The following DNAJC1 variants were observed in gnomAD, a reference collection of about 807,000 sequenced individuals.
The protein encoded by DNAJC1 is DnaJ heat shock protein family (Hsp40) member C1.
Under a neutral mutation model 76.6 loss-of-function variants are expected in DNAJC1, and 58 were observed. The ratio of observed to expected loss-of-function variants is 0.76; its 90% CI spans 0.61 to 0.94. DNAJC1 has a LOEUF of 0.94. Ranked by LOEUF, DNAJC1 falls within the 40% of genes least tolerant of loss-of-function variation. The pLI is 0.00. For synonymous variants in DNAJC1, 258 were observed against 267.9 expected (o/e 0.96, Z 0.36); for missense variants, 689 against 677.3 (o/e 1.02, Z -0.19).
chr10:21,784,082 C>A (rs973976691), intron 9 of DNAJC1, among the ~76,000 whole-genome samples: 1 of 152,152 alleles, frequency 6.6e-6, no homozygotes, highest in Non-Finnish European at 1.5e-5. Flanking sequence ...AGCTTCTGCA[C>A]AGCAAAAGAA....
chr10:21,879,603 G>C (rs1445051798), intron 8 of DNAJC1, among the ~76,000 whole-genome samples: 1 of 152,084 alleles, frequency 6.6e-6, no homozygotes, highest in Non-Finnish European at 1.5e-5. Flanking sequence ...CAGCCTGGGC[G>C]ACAGAGAGAG....
chr10:21,968,704 G>T (rs1235156706), intron 1 of DNAJC1, among the ~76,000 whole-genome samples: 1 of 151,804 alleles, frequency 6.6e-6, no homozygotes, highest in Non-Finnish European at 1.5e-5. Context: ...TAGAGACAGG[G>T]TTTCACCGTG....
intron 1 of DNAJC1, among the ~76,000 whole-genome samples, chr10:21,934,193 A>C (rs2131786730): frequency 6.6e-6 from 1 of 151,908 alleles, no homozygotes. Flanking sequence ...TTGTGTCTTA[A>C]TTTTTAACAA....
intron 10 of DNAJC1, among the ~76,000 whole-genome samples, chr10:21,763,055 C>T (rs556568126): frequency 1.7e-3 from 256 of 152,210 alleles, no homozygotes; most frequent in East Asian, 5.8e-4. Context: ...CTCAGCTTCC[C>T]GAGTAGCTGA....
intron 8 of DNAJC1, among the ~76,000 whole-genome samples, chr10:21,820,063 T>A (rs1564797218): frequency 2.6e-5 from 4 of 152,258 alleles, no homozygotes; most frequent in Admixed American, 6.5e-5. Context: ...TCTGAATAGA[T>A]ACTTCTTATC....
intron 9 of DNAJC1, among the ~76,000 whole-genome samples, chr10:21,796,529 C>G (rs942625346): frequency 1.2e-4 from 18 of 152,168 alleles, no homozygotes; most frequent in African/African-American, 3.9e-4. Flanking sequence ...ATACTGTTTT[C>G]TGTAACAACT....
intron 1 of DNAJC1, among the ~76,000 whole-genome samples, chr10:21,977,225 AAAAAG>A (rs1564843096): frequency 6.6e-6 from 1 of 152,144 alleles, no homozygotes; most frequent in Admixed American, 6.6e-5. Context: ...GCAATTTTTT[AAAAAG>A]AAAACTACCA....
At chr10:21,952,515 T>C (rs899792818) in intron 1 of DNAJC1, among the ~76,000 whole-genome samples, 1 of 152,132 alleles carries the variant, frequency 6.6e-6, no homozygotes, top group African/African-American at 2.4e-5. Context: ...CCCAACACTT[T>C]GGGAAGCAGA....
chr10:21,980,586 T>C (rs1838139528), intron 1 of DNAJC1, among the ~76,000 whole-genome samples: 2 of 152,152 alleles, frequency 1.3e-5, no homozygotes, highest in African/African-American at 4.8e-5. Context: ...TGTGTGATTC[T>C]GCACCAGGAA....
At chr10:21,981,107 G>A (rs1237526156) in intron 1 of DNAJC1, among the ~76,000 whole-genome samples, 1 of 152,042 alleles carries the variant, frequency 6.6e-6, no homozygotes, top group African/African-American at 2.4e-5. Context: ...TAATGCTGTT[G>A]GCCTAATTCA....
chr10:21,911,823 C>G (rs1315911463), intron 6 of DNAJC1, among the ~76,000 whole-genome samples: 1 of 152,028 alleles, frequency 6.6e-6, no homozygotes, highest in Non-Finnish European at 1.5e-5. Flanking sequence ...TTTTTTCTTT[C>G]AGTACAGTAT....
At position 21,759,353 on chromosome 10, in the gene DNAJC1, A is replaced by G; in HGVS notation, c.1413T>C (p.Phe471=). The part of the protein sequence containing the change: ...EKSRAKRQKD[F]DIAEQNESSD... Reference sequence around the variant, plus strand: ...TGGACTCGTTTTGTTCTGCTATGTCAAAGTCCTTCTGCCGCTTGGCTCTGG... The same window carrying G: ...TGGACTCGTTTTGTTCTGCTATGTCGAAGTCCTTCTGCCGCTTGGCTCTGG... The change falls in exon 11 of 12, where the codon TTT becomes TTC. Residue 471 remains phenylalanine (F), a synonymous_variant. Coordinates refer to ENST00000376980, the MANE Select transcript of DNAJC1 (RefSeq NM_022365.4). The G allele has an allele frequency of 6.2e-7, 1 of 1,614,084 alleles. No individual in the cohort carries two copies. The highest frequency in any genetic ancestry group is 8.5e-7 in the Non-Finnish European group (1 of 1,180,010).
intron 8 of DNAJC1, among the ~76,000 whole-genome samples, chr10:21,859,667 T>C (rs1038904642): frequency 6.6e-6 from 1 of 152,184 alleles, no homozygotes; most frequent in Non-Finnish European, 1.5e-5. Context: ...GCTCTGTCTA[T>C]GGTCATTCAC....
intron 8 of DNAJC1, among the ~76,000 whole-genome samples, chr10:21,838,336 C>G (rs1835508170): frequency 6.6e-6 from 1 of 152,170 alleles, no homozygotes; most frequent in African/African-American, 2.4e-5. Flanking sequence ...CAACCCCGTG[C>G]TCTCTGAAAC....
At chr10:21,813,172 CTCCCTCTCT>C (rs1564794731) in intron 8 of DNAJC1, among the ~76,000 whole-genome samples, 86 of 61,278 alleles carry the variant, frequency 1.4e-3, no homozygotes, top group Non-Finnish European at 2.2e-3. Flanking sequence ...CTCTCTCTCT[CTCCCTCTCT>C]CTCTCTCTCT....
At chr10:21,948,034 A>C (rs1382996378) in intron 1 of DNAJC1, among the ~76,000 whole-genome samples, 3 of 152,048 alleles carry the variant, frequency 2.0e-5, no homozygotes, top group Non-Finnish European at 4.4e-5. Flanking sequence ...TGATTCAAAA[A>C]TATGGGATAT....
intron 7 of DNAJC1, among the ~76,000 whole-genome samples, chr10:21,895,537 A>G (rs1163199341): frequency 6.6e-6 from 1 of 152,218 alleles, no homozygotes; most frequent in Non-Finnish European, 1.5e-5. Flanking sequence ...AAATGCAAGA[A>G]GAGAGAAACA....
chr10:21,803,947 T>C lies in DNAJC1; in HGVS notation c.1098+2033A>G, dbSNP rs956624883. On this transcript the variant is annotated intron_variant, in intron 9 of 11. Coordinates refer to ENST00000376980, the MANE Select transcript of DNAJC1 (RefSeq NM_022365.4). ...ACTTCCATGATAAAGGGAAAAAATATCTATTGCAGACACGGAATCATTCTG... is the reference window on the plus strand; with the variant it reads ...ACTTCCATGATAAAGGGAAAAAATACCTATTGCAGACACGGAATCATTCTG... 2.5e-5 allele frequency: 25 copies of C among 983,374 alleles called. No homozygotes were observed. The African/African-American group carries it at 2.8e-4, about 11-fold the overall frequency. The allele number at this position is 983,374 out of a possible 1,614,324, so 60.9% of individuals were successfully genotyped here.
chr10:21,915,368 A>C (rs1836935564), intron 6 of DNAJC1, among the ~76,000 whole-genome samples: 1 of 152,162 alleles, frequency 6.6e-6, no homozygotes, highest in Non-Finnish European at 1.5e-5. Context: ...TAGAGGATGA[A>C]TGGGAAGGAA....
Sources: allele counts gnomAD v4.1 joint callset (sites outside exome capture counted in the v4.1 genomes callset), GRCh38; gene constraint gnomAD v4.1.1; transcripts MANE v1.5; gene names NCBI Gene and HGNC (gene_info 2026-07-23, HGNC 2026-07-21).